The following ZBTB20 variants were observed in gnomAD, a reference collection of about 807,000 sequenced individuals.
ZBTB20 encodes the protein zinc finger and BTB domain containing 20.
ZBTB20 carries 9 observed loss-of-function variants against 56.9 expected under a neutral mutation model. That is an observed-to-expected ratio of 0.16 (90% CI 0.10 to 0.28). The LOEUF (loss-of-function observed/expected upper bound fraction) is 0.28. Among genes scored for constraint, ZBTB20 ranks in the 10% least tolerant of loss-of-function variants. ZBTB20 has a pLI of 1.00. For synonymous variants in ZBTB20, 417 were observed against 420.7 expected, an observed-to-expected ratio of 0.99 and a Z score of 0.11; for missense variants, 655 against 1,003.0, an observed-to-expected ratio of 0.65 and a Z score of 4.69.
Position 114,656,813 on chromosome 3 carries a change from G to A in ZBTB20, c.-295+36715C>T, listed in dbSNP as rs561920402. Among the ~76,000 whole-genome samples the A allele has an allele frequency of 1.6e-4, 25 of 151,982 alleles. No homozygotes were observed. The East Asian group carries it at 2.9e-3, about 18-fold the overall frequency. ...GGCTAGAGTGCAGTGGAGCAATCTC[G>A]GCTCACTGCAACCTCCACCTCCTGG... On this transcript the variant is annotated intron_variant, in intron 6 of 11. Transcript: ENST00000675478.
intron 6 of ZBTB20, among the ~76,000 whole-genome samples, chr3:114,655,249 T>TTTTTTTC: frequency 7.6e-6 from 1 of 131,552 alleles, no homozygotes; most frequent in South Asian, 2.5e-4. Flanking sequence ...TTCCTTTTTT[T>TTTTTTTC]TTTTTTTTTT....
intron 5 of ZBTB20, among the ~76,000 whole-genome samples, chr3:114,733,878 A>G (rs189503403): frequency 1.3e-5 from 2 of 152,266 alleles, no homozygotes; most frequent in Admixed American, 6.5e-5. Flanking sequence ...CTGTCTATGT[A>G]CAATACGGAA....
chr3:115,006,002 G>GT (rs71146347), intron 2 of ZBTB20, among the ~76,000 whole-genome samples: 85 of 148,960 alleles, frequency 5.7e-4, no homozygotes, highest in Middle Eastern at 3.4e-3. Flanking sequence ...ATTGCCAAAT[G>GT]TTTTTTTTTT....
At chr3:114,648,488 T>A (rs960333120) in intron 6 of ZBTB20, among the ~76,000 whole-genome samples, 1 of 152,160 alleles carries the variant, frequency 6.6e-6, no homozygotes, top group South Asian at 2.1e-4. Flanking sequence ...GATGGCATGA[T>A]GGCATCTTAA....
chr3:114,920,279 C>T (rs2075906677), intron 3 of ZBTB20, among the ~76,000 whole-genome samples: 1 of 152,132 alleles, frequency 6.6e-6, no homozygotes, highest in South Asian at 2.1e-4. Context: ...CCAAATAGAC[C>T]TACAGACATA....
At chr3:115,118,345 G>A (rs1232935196) in intron 1 of ZBTB20, among the ~76,000 whole-genome samples, 1 of 152,124 alleles carries the variant, frequency 6.6e-6, no homozygotes, top group Admixed American at 6.5e-5. Flanking sequence ...CTACATGTGT[G>A]TGCTACTGTT....
chr3:115,033,525 T>C (rs2080790060), intron 2 of ZBTB20, among the ~76,000 whole-genome samples: 1 of 151,628 alleles, frequency 6.6e-6, no homozygotes, highest in South Asian at 2.1e-4. Context: ...TGGGTATGTA[T>C]ATACCCAAAA....
At chr3:114,910,640 A>G (rs1290202823) in intron 3 of ZBTB20, among the ~76,000 whole-genome samples, 2 of 152,052 alleles carry the variant, frequency 1.3e-5, no homozygotes, top group South Asian at 4.1e-4. Flanking sequence ...TTTAATCTGT[A>G]TATCAGCCAT....
In ZBTB20 at chr3:114,380,131, G is replaced by C. The variant is rs368614864; in HGVS notation, c.199+86C>G. Reference sequence around the variant, plus strand: ...TTAGAAGACCAAATGCAAAGAGCTCGCTCTGAAAGTAGAAAAGCCAGAACC... The same window carrying C: ...TTAGAAGACCAAATGCAAAGAGCTCCCTCTGAAAGTAGAAAAGCCAGAACC... On this transcript the variant is annotated intron_variant, in intron 10 of 11. Coordinates refer to ENST00000675478, the MANE Select transcript of ZBTB20 (RefSeq NM_001348800.3). The C allele has an allele frequency of 5.3e-5, 71 of 1,335,096 alleles. 1 individual carries two copies. The highest frequency in any genetic ancestry group is 3.1e-4 in the East Asian group (12 of 38,146). 82.7% of individuals were successfully genotyped at this position (1,335,096 alleles called of 1,614,324 possible).
chr3:114,655,250 T>A (rs1043537854), intron 6 of ZBTB20, among the ~76,000 whole-genome samples: 16 of 132,008 alleles, frequency 1.2e-4, no homozygotes, highest in Non-Finnish European at 2.1e-4. Context: ...TCCTTTTTTT[T>A]TTTTTTTTTT....
chr3:115,031,861 G>T (rs981454865), intron 2 of ZBTB20, among the ~76,000 whole-genome samples: 1 of 151,414 alleles, frequency 6.6e-6, no homozygotes, highest in Non-Finnish European at 1.5e-5. Flanking sequence ...TAGGTGACTT[G>T]ATATTAAGTG....
rs1008595176 is a variant in ZBTB20, at chr3:114,329,462, A to G, written c.*9543T>C. On this transcript the variant is annotated 3_prime_UTR_variant, in exon 12 of 12. Coordinates refer to ENST00000675478, the MANE Select transcript of ZBTB20 (RefSeq NM_001348800.3). Reference sequence around the variant, plus strand: ...ACTCTTATCTGAAAATATGATCTGAAAATATTTATTGTATAGGAAGACAGA... The same window carrying G: ...ACTCTTATCTGAAAATATGATCTGAGAATATTTATTGTATAGGAAGACAGA... 7 of 152,036 alleles carry G rather than the reference A, an allele frequency of 4.6e-5. No individual in the cohort carries two copies. The highest frequency in any genetic ancestry group is 7.4e-5 in the Non-Finnish European group (5 of 67,992). The allele number at this position is 152,036 out of a possible 1,614,324, so 9.4% of individuals were successfully genotyped here. A position where few individuals can be genotyped will look rare whatever the true frequency, so the allele number is the denominator to read the frequency against.
chr3:114,748,834 T>C (rs2067322495), intron 5 of ZBTB20, among the ~76,000 whole-genome samples: 1 of 152,176 alleles, frequency 6.6e-6, no homozygotes, highest in Non-Finnish European at 1.5e-5. Flanking sequence ...AGTAAAGTGG[T>C]GTTAATGCCT....
chr3:114,727,988 T>A (rs964174475), intron 5 of ZBTB20, among the ~76,000 whole-genome samples: 6 of 151,796 alleles, frequency 4.0e-5, no homozygotes, highest in Non-Finnish European at 8.8e-5. Flanking sequence ...GAAAAAAAAA[T>A]TGGAAAGGAA....
intron 4 of ZBTB20, among the ~76,000 whole-genome samples, chr3:114,839,532 T>C (rs1199812406): frequency 1.3e-5 from 2 of 152,146 alleles, no homozygotes; most frequent in African/African-American, 2.4e-5. Context: ...ATATCTATAA[T>C]AGAGGAATCT....
chr3:114,895,210 A>G (rs1242473762), intron 4 of ZBTB20, among the ~76,000 whole-genome samples: 3 of 152,186 alleles, frequency 2.0e-5, no homozygotes, highest in Non-Finnish European at 4.4e-5. Flanking sequence ...TTCTCAAGAA[A>G]AAATAAAACC....
At position 114,844,531 on chromosome 3, in the gene ZBTB20, A is replaced by AAAAAAAC. The variant is rs1370618212; in HGVS notation, c.-416-43358_-416-43357insGTTTTTT. 6.6e-5 allele frequency among the ~76,000 whole-genome samples: 9 copies of AAAAAAAC among 136,708 alleles called. No individual in the cohort carries two copies. In the East Asian group the frequency reaches 8.1e-4, roughly 12 times the overall value. 89.7% of individuals were successfully genotyped at this position (136,708 alleles called of 152,430 possible). On this transcript the variant is annotated intron_variant, in intron 4 of 11. Transcript: ENST00000675478. ...GCAAGTCCCTGTCTCAAAAAAAAAA[A>AAAAAAAC]AAAAAAAAAAAAAAAAAAAAACTTT...
Position 114,944,098 on chromosome 3 carries a change from A to T in ZBTB20, c.-456+30268T>A, listed in dbSNP as rs1365778946. 5.5e-5 allele frequency among the ~76,000 whole-genome samples: 8 copies of T among 145,896 alleles called. No individual in the cohort carries two copies. The East Asian group carries it at 1.5e-3, about 28-fold the overall frequency. On this transcript the variant is annotated intron_variant, in intron 3 of 11. Transcript: ENST00000675478. ...CCATGATATCTTTAAAATGCTTTTA[A>T]AAAGTAACTACCAACCTAAGAAACC...
chr3:114,988,294 C>T (rs2078642691), intron 2 of ZBTB20, among the ~76,000 whole-genome samples: 2 of 142,402 alleles, frequency 1.4e-5, no homozygotes, highest in Admixed American at 1.4e-4. Context: ...TGTTCCCCTT[C>T]CGGTGTCCAC....
Sources: allele counts gnomAD v4.1 joint callset (sites outside exome capture counted in the v4.1 genomes callset), GRCh38; gene constraint gnomAD v4.1.1; transcripts MANE v1.5; gene names NCBI Gene and HGNC (gene_info 2026-07-23, HGNC 2026-07-21).